STX3: variants seen among roughly 807,000 people sequenced by gnomAD.
The protein encoded by STX3 is syntaxin 3, also known as syntaxin-3.
A neutral mutation model predicts 40.2 loss-of-function variants in STX3; 19 were observed. The ratio of observed to expected loss-of-function variants is 0.47; its 90% CI spans 0.33 to 0.69. STX3 has a LOEUF of 0.69. Ranked by LOEUF, STX3 falls within the 30% of genes least tolerant of loss-of-function variation. STX3 has a pLI of 0.02. For synonymous variants in STX3, 122 were observed against 132.2 expected (o/e 0.92, Z 0.53); for missense variants, 364 against 366.7 (o/e 0.99, Z 0.06).
chr11:59,781,142 A>T (rs1407444091), intron 2 of STX3, among the ~76,000 whole-genome samples: 8 of 142,760 alleles, frequency 5.6e-5, no homozygotes, highest in Non-Finnish European at 1.1e-4. Flanking sequence ...CAAAGGGATG[A>T]TCCTAATTAA....
At chr11:59,758,373 G>T (rs1862846447) in intron 1 of STX3, among the ~76,000 whole-genome samples, 1 of 152,232 alleles carries the variant, frequency 6.6e-6, no homozygotes, top group Admixed American at 6.5e-5. Flanking sequence ...ATGCTTAATT[G>T]TGAGCCTGTC....
Position 59,804,062 on chromosome 11 carries a change from C to T in STX3, c.*3238C>T, listed in dbSNP as rs146502802. 6.6e-6 allele frequency: 1 copy of T among 152,450 alleles called. No homozygotes were observed. The highest frequency in any genetic ancestry group is 1.9e-4 in the East Asian group (1 of 5,194). 9.4% of individuals were successfully genotyped at this position (152,450 alleles called of 1,614,324 possible). ...GAGTACAGATACATAGCTGATTAGGCAGATGGTTTAAAGGAGGACTGCAGG... is the reference window on the plus strand; with the variant it reads ...GAGTACAGATACATAGCTGATTAGGTAGATGGTTTAAAGGAGGACTGCAGG... On this transcript the variant is annotated 3_prime_UTR_variant, in exon 11 of 11. Coordinates refer to ENST00000337979, the MANE Select transcript of STX3 (RefSeq NM_004177.5).
rs1247138825 is a variant in STX3, at chr11:59,802,837, A to G, written c.*2013A>G. Reference sequence around the variant, plus strand: ...CTGGATCAGATGGTTCAAAAGTGCAATTTTTGAACATGGTTTAACTCCCAC... The same window carrying G: ...CTGGATCAGATGGTTCAAAAGTGCAGTTTTTGAACATGGTTTAACTCCCAC... On this transcript the variant is annotated 3_prime_UTR_variant, in exon 11 of 11. Transcript: ENST00000337979. 6 of 993,460 alleles carry G rather than the reference A, an allele frequency of 6.0e-6. No homozygotes were observed. In the African/African-American group the frequency reaches 6.9e-5, roughly 12 times the overall value. 61.5% of individuals were successfully genotyped at this position (993,460 alleles called of 1,614,324 possible).
chr11:59,757,568 C>T (rs1423837601), intron 1 of STX3, among the ~76,000 whole-genome samples: 7 of 152,210 alleles, frequency 4.6e-5, no homozygotes, highest in Non-Finnish European at 8.8e-5. Flanking sequence ...GATAGGTTTC[C>T]TCCCCTTCCC....
intron 1 of STX3, among the ~76,000 whole-genome samples, chr11:59,755,867 C>T (rs982910085): frequency 6.6e-6 from 1 of 152,214 alleles, no homozygotes; most frequent in Non-Finnish European, 1.5e-5. Context: ...CTAACTCTCC[C>T]ACCCCGCAAG....
chr11:59,794,290 A>C (rs778565692), intron 8 of STX3, among the ~76,000 whole-genome samples: 2 of 152,328 alleles, frequency 1.3e-5, no homozygotes, highest in Middle Eastern at 3.4e-3. Context: ...CTAGTTTCGC[A>C]TAGTTAGATG....
At chr11:59,767,381 A>G (rs1436315286) in intron 1 of STX3, among the ~76,000 whole-genome samples, 42 of 152,196 alleles carry the variant, frequency 2.8e-4, no homozygotes, top group Admixed American at 2.7e-3. Context: ...TCCTATTACC[A>G]GATATGTTGA....
chr11:59,773,352 G>A, intron 2 of STX3, 58 bp downstream of exon 2: 1 of 1,557,368 alleles, frequency 6.4e-7, no homozygotes, highest in Admixed American at 1.7e-5. Flanking sequence ...TATTTCCTTA[G>A]TAAGAATAAA....
At chr11:59,799,432 A>G (rs1270695857) in intron 10 of STX3, among the ~76,000 whole-genome samples, 2 of 152,228 alleles carry the variant, frequency 1.3e-5, no homozygotes, top group Non-Finnish European at 1.5e-5. Context: ...CTAATTTTCA[A>G]TATGAGATTG....
chr11:59,770,072 G>A (rs1022473491), intron 1 of STX3, among the ~76,000 whole-genome samples: 2 of 149,198 alleles, frequency 1.3e-5, no homozygotes, highest in African/African-American at 4.9e-5. Flanking sequence ...CATATGTGTA[G>A]AGTGGGTGTT....
chr11:59,775,594 G>T (rs546702848), intron 2 of STX3, among the ~76,000 whole-genome samples: 1 of 152,196 alleles, frequency 6.6e-6, no homozygotes, highest in Admixed American at 6.5e-5. Context: ...TTTCGTAGCA[G>T]TGTAACCTTG....
At chr11:59,783,805 T>C (rs1011183861) in intron 2 of STX3, among the ~76,000 whole-genome samples, 5 of 152,180 alleles carry the variant, frequency 3.3e-5, no homozygotes, top group African/African-American at 1.2e-4. Flanking sequence ...GAAAGCTCTA[T>C]GGTTGGCCAC....
chr11:59,755,573 G>A lies in STX3; in HGVS notation c.-33G>A, dbSNP rs539461000. The A allele has an allele frequency of 3.1e-6, 5 of 1,592,338 alleles. No homozygotes were observed. Among genetic ancestry groups the A allele is most frequent in the African/African-American group, 1.4e-5 (1 of 74,002 alleles). ...CACCTGGGACGCGCTCACCTGGGACGCGCTACCTGCCTCCGGGCGCCTGGG... is the reference window on the plus strand; with the variant it reads ...CACCTGGGACGCGCTCACCTGGGACACGCTACCTGCCTCCGGGCGCCTGGG... On this transcript the variant is annotated 5_prime_UTR_variant, in exon 1 of 11. Coordinates refer to ENST00000337979, the MANE Select transcript of STX3 (RefSeq NM_004177.5).
chr11:59,801,175 A>G lies in STX3; in HGVS notation c.*351A>G, dbSNP rs1865871211. On this transcript the variant is annotated 3_prime_UTR_variant, in exon 11 of 11. Coordinates refer to ENST00000337979, the MANE Select transcript of STX3 (RefSeq NM_004177.5). ...GGAAAGCTCTTGTGAGACTCTCCCA[A>G]GGTGCTGTATTTTTCTACCTCATGG... 7 of 1,228,568 alleles carry G rather than the reference A, an allele frequency of 5.7e-6. No individual in the cohort carries two copies. Among genetic ancestry groups the G allele is most frequent in the Non-Finnish European group, 7.1e-6 (7 of 979,602 alleles). 76.1% of individuals were successfully genotyped at this position (1,228,568 alleles called of 1,614,324 possible).
intron 1 of STX3, among the ~76,000 whole-genome samples, chr11:59,760,361 C>T (rs1199417781): frequency 6.6e-6 from 1 of 151,454 alleles, no homozygotes; most frequent in African/African-American, 2.4e-5. Flanking sequence ...ATACTCTCCT[C>T]CATTCTTGCA....
At chr11:59,794,152 C>G (rs186448517) in intron 8 of STX3, among the ~76,000 whole-genome samples, 3 of 152,164 alleles carry the variant, frequency 2.0e-5, no homozygotes, top group Non-Finnish European at 4.4e-5. Flanking sequence ...CAGACAACAA[C>G]ATGAATGAAG....
At chr11:59,774,145 T>A (rs1270625175) in intron 2 of STX3, among the ~76,000 whole-genome samples, 1 of 152,130 alleles carries the variant, frequency 6.6e-6, no homozygotes, top group East Asian at 1.9e-4. Flanking sequence ...GGGATGGTAC[T>A]ATGATAGGTA....
Position 59,801,270 on chromosome 11 carries a change from A to G in STX3, c.*446A>G. On this transcript the variant is annotated 3_prime_UTR_variant, in exon 11 of 11. Coordinates refer to ENST00000337979, the MANE Select transcript of STX3 (RefSeq NM_004177.5). ...TTTAACAAAGCAGAATGATTCTTCT[A>G]AGTTTGGCAACAAGAAGGCTTGGAT... 1 of 1,009,710 alleles carries G rather than the reference A, an allele frequency of 9.9e-7. No homozygotes were observed. Among genetic ancestry groups the G allele is most frequent in the Non-Finnish European group, 1.2e-6 (1 of 845,020 alleles). 62.5% of individuals were successfully genotyped at this position (1,009,710 alleles called of 1,614,324 possible).
At position 59,800,872 on chromosome 11, in the gene STX3, G is replaced by C. The variant is rs1247641678; in HGVS notation, c.*48G>C. The C allele has an allele frequency of 6.5e-7, 1 of 1,536,336 alleles. No individual in the cohort carries two copies. The highest frequency in any genetic ancestry group is 1.2e-5 in the South Asian group (1 of 84,064). ...CCTCCTAGAAACTGATTTCACTCCA[G>C]ACTGGTGTGGCCACCCTTGTCTTCA... On this transcript the variant is annotated 3_prime_UTR_variant, in exon 11 of 11. Coordinates refer to ENST00000337979, the MANE Select transcript of STX3 (RefSeq NM_004177.5).
Sources: allele counts gnomAD v4.1 joint callset (sites outside exome capture counted in the v4.1 genomes callset), GRCh38; gene constraint gnomAD v4.1.1; transcripts MANE v1.5; gene names NCBI Gene and HGNC (gene_info 2026-07-23, HGNC 2026-07-21).